AFAP1: variants seen among roughly 807,000 people sequenced by gnomAD.
The protein encoded by AFAP1 is actin filament-associated protein 1.
A neutral mutation model predicts 93.9 loss-of-function variants in AFAP1; 75 were observed. The observed-to-expected ratio is 0.80, with a 90% CI of 0.66 to 0.97. The LOEUF (loss-of-function observed/expected upper bound fraction) is 0.97. Among genes scored for constraint, AFAP1 ranks in the 50% least tolerant of loss-of-function variants. AFAP1 has a pLI of 0.00. For synonymous variants in AFAP1, 517 were observed against 430.7 expected (o/e 1.20, Z -2.48); for missense variants, 1,201 against 1,050.8 (o/e 1.14, Z -1.98).
chr4:7,892,695 G>A (rs28605531), intron 1 of AFAP1, among the ~76,000 whole-genome samples: 3 of 152,086 alleles, frequency 2.0e-5, no homozygotes, highest in African/African-American at 7.2e-5. Flanking sequence ...CCTAGAACAC[G>A]AACCCCCAAG....
chr4:7,928,783 A>G (rs959543953), intron 1 of AFAP1, among the ~76,000 whole-genome samples: 5 of 152,294 alleles, frequency 3.3e-5, no homozygotes, highest in Admixed American at 1.3e-4. Context: ...CATACAAAGC[A>G]CTTCATACTC....
At chr4:7,832,697 C>G (rs1035424972) in intron 6 of AFAP1, among the ~76,000 whole-genome samples, 2 of 149,940 alleles carry the variant, frequency 1.3e-5, no homozygotes, top group Non-Finnish European at 3.0e-5. Context: ...CCCACATAGC[C>G]AAAGCAGGAC....
chr4:7,894,424 C>T (rs773469324), intron 1 of AFAP1, among the ~76,000 whole-genome samples: 3 of 152,138 alleles, frequency 2.0e-5, no homozygotes, highest in East Asian at 1.9e-4. Context: ...AAGGATATGA[C>T]GCTAACACAG....
At chr4:7,865,386 C>A (rs758488064) in intron 3 of AFAP1, among the ~76,000 whole-genome samples, 35 of 152,214 alleles carry the variant, frequency 2.3e-4, no homozygotes, top group Non-Finnish European at 4.1e-4. Context: ...TTAAATCATT[C>A]ACTTAAATTT....
At chr4:7,903,737 CA>C (rs1719246371) in intron 1 of AFAP1, among the ~76,000 whole-genome samples, 1 of 152,018 alleles carries the variant, frequency 6.6e-6, no homozygotes, top group Non-Finnish European at 1.5e-5. Flanking sequence ...AAAGAAAGAA[CA>C]TGAAAGATTA....
At chr4:7,901,456 TC>T (rs978534816) in intron 1 of AFAP1, among the ~76,000 whole-genome samples, 1 of 152,178 alleles carries the variant, frequency 6.6e-6, no homozygotes, top group Non-Finnish European at 1.5e-5. Flanking sequence ...TGCTAAATGA[TC>T]ACCAGGCTGC....
chr4:7,912,652 A>G (rs1719801187), intron 1 of AFAP1, among the ~76,000 whole-genome samples: 1 of 152,156 alleles, frequency 6.6e-6, no homozygotes, highest in Non-Finnish European at 1.5e-5. Context: ...AAATTTTGAT[A>G]GTTCTTTATG....
At chr4:7,898,911 A>G (rs1284974178) in intron 1 of AFAP1, among the ~76,000 whole-genome samples, 1 of 150,296 alleles carries the variant, frequency 6.7e-6, no homozygotes, top group Non-Finnish European at 1.5e-5. Context: ...AGAAATATAT[A>G]TGTGTGTATA....
intron 1 of AFAP1, among the ~76,000 whole-genome samples, chr4:7,935,932 AAC>A (rs1166941337): frequency 1.3e-5 from 2 of 152,236 alleles, no homozygotes; most frequent in African/African-American, 4.8e-5. Context: ...AAGCAGAATT[AAC>A]TAGTTAAGTT....
At chr4:7,786,790 A>T (rs1050435032) in intron 11 of AFAP1, among the ~76,000 whole-genome samples, 4 of 152,262 alleles carry the variant, frequency 2.6e-5, no homozygotes, top group Non-Finnish European at 4.4e-5. Flanking sequence ...CAAGTGTGTT[A>T]CTTCCAGAAG....
At chr4:7,897,290 G>A (rs541666352) in intron 1 of AFAP1, among the ~76,000 whole-genome samples, 3 of 152,280 alleles carry the variant, frequency 2.0e-5, no homozygotes, top group African/African-American at 7.2e-5. Flanking sequence ...GCAAACTGAG[G>A]ACCTGCTGTT....
intron 17 of AFAP1, among the ~76,000 whole-genome samples, chr4:7,767,969 G>C (rs1714847376): frequency 1.3e-5 from 2 of 152,194 alleles, no homozygotes; most frequent in African/African-American, 4.8e-5. Flanking sequence ...CCAGCTACTT[G>C]GGAGGCTGAG....
At chr4:7,895,852 GTTTTTT>G (rs35666187) in intron 1 of AFAP1, among the ~76,000 whole-genome samples, 2 of 110,628 alleles carry the variant, frequency 1.8e-5, no homozygotes, top group Non-Finnish European at 3.6e-5. Context: ...TCTTCAGAAA[GTTTTTT>G]TTTTTTTTTT....
intron 3 of AFAP1, among the ~76,000 whole-genome samples, chr4:7,859,087 G>C (rs556149258): frequency 6.6e-6 from 1 of 152,192 alleles, no homozygotes; most frequent in Non-Finnish European, 1.5e-5. Flanking sequence ...TGTCCCCACT[G>C]TTTCCTGGGC....
At chr4:7,795,876 T>C (rs1297960796) in intron 10 of AFAP1, among the ~76,000 whole-genome samples, 1 of 152,196 alleles carries the variant, frequency 6.6e-6, no homozygotes, top group Non-Finnish European at 1.5e-5. Flanking sequence ...GTTCATTGTA[T>C]GAAATGTCCT....
chr4:7,906,516 A>G (rs970116702), intron 1 of AFAP1, among the ~76,000 whole-genome samples: 1 of 152,204 alleles, frequency 6.6e-6, no homozygotes, highest in Non-Finnish European at 1.5e-5. Flanking sequence ...CAACCGCAGT[A>G]TCTAGGCTTC....
chr4:7,774,887 C>T lies in AFAP1; in HGVS notation c.1914G>A (p.Lys638=). ...CTGCTTCTACCCGGTTCTTGCCATA[C>T]TTGTACTGGGCAGCATCTTGAGAAG... The part of the protein sequence containing the change: ...KRTGSNAAQY[K]YGKNRVEADA... The change falls in exon 15 of 18, where the codon AAG becomes AAA. Residue 638 remains lysine (K), a synonymous_variant. Coordinates refer to ENST00000420658, the MANE Select transcript of AFAP1 (RefSeq NM_001134647.2). The T allele has an allele frequency of 6.2e-7, 1 of 1,613,870 alleles. No homozygotes were observed. The highest frequency in any genetic ancestry group is 8.5e-7 in the Non-Finnish European group (1 of 1,179,982).
intron 1 of AFAP1, among the ~76,000 whole-genome samples, chr4:7,900,073 G>C (rs963236671): frequency 6.6e-6 from 1 of 152,114 alleles, no homozygotes; most frequent in African/African-American, 2.4e-5. Flanking sequence ...CATCCAACAT[G>C]TATTTGGCTA....
Position 7,939,363 on chromosome 4 carries a change from C to A in AFAP1, c.-3+293G>T, listed in dbSNP as rs1422162933. 3.1e-6 allele frequency: 1 copy of A among 323,580 alleles called. No homozygotes were observed. Among genetic ancestry groups the A allele is most frequent in the Non-Finnish European group, 6.2e-6 (1 of 161,782 alleles). The allele number at this position is 323,580 out of a possible 1,614,324, so 20.0% of individuals were successfully genotyped here. A position where few individuals can be genotyped will look rare whatever the true frequency, so the allele number is the denominator to read the frequency against. The stretch of plus-strand genomic sequence containing the variant: ...CTCTGACGCACACGGGGACCAGCCA[C>A]GCCGCGGGGGCACCGGGCAGGAGCC... On this transcript the variant is annotated intron_variant, in intron 1 of 17. Transcript: ENST00000420658. The surrounding 1 kb of genome is among the most constrained non-coding windows in gnomAD (Gnocchi z 5.6).
Sources: gnomAD v4.1 joint callset for allele counts (sites outside exome capture counted in the v4.1 genomes callset) on GRCh38, gnomAD v4.1.1 for gene constraint, Gnocchi (gnomAD v3.1) non-coding constraint, MANE v1.5 for transcripts, NCBI Gene and HGNC (gene_info 2026-07-23, HGNC 2026-07-21) for gene names.